CRPPA: variants seen among roughly 807,000 people sequenced by gnomAD.
The protein encoded by CRPPA is D-ribitol-5-phosphate cytidylyltransferase.
CRPPA carries 43 observed loss-of-function variants against 52.0 expected under a neutral mutation model. The ratio of observed to expected loss-of-function variants is 0.83; its 90% CI spans 0.65 to 1.07. The LOEUF (loss-of-function observed/expected upper bound fraction) is 1.07, where lower values mean the gene tolerates loss of function less well. Ranked by LOEUF, CRPPA falls within the 50% of genes least tolerant of loss-of-function variation. The probability of loss-of-function intolerance (pLI) is 0.00; values close to 1 mark genes in which losing one functional copy is unlikely to be tolerated. For missense variants in CRPPA, 629 were observed against 551.7 expected (o/e 1.14, Z -1.40); for synonymous variants, 250 against 203.5 (o/e 1.23, Z -1.94).
intron 9 of CRPPA, among the ~76,000 whole-genome samples, chr7:16,143,896 CA>C (rs1232766477): frequency 6.6e-6 from 1 of 151,862 alleles, no homozygotes; most frequent in Non-Finnish European, 1.5e-5. Context: ...TGGGTAATGT[CA>C]AAAAAACGGA....
intron 4 of CRPPA, among the ~76,000 whole-genome samples, chr7:16,305,814 G>A (rs976132): frequency 0.037 from 5,699 of 152,206 alleles, 271 homozygotes; most frequent in Admixed American, 0.14. Context: ...CCAGGGAGTC[G>A]GAGGTTGCAG....
chr7:16,216,209 A>G lies in CRPPA; in HGVS notation c.1120-12T>C, dbSNP rs1331188356. 3 of 1,527,148 alleles carry G rather than the reference A, an allele frequency of 2.0e-6. No homozygotes were observed. The highest frequency in any genetic ancestry group is 1.2e-5 in the South Asian group (1 of 83,180). 94.6% of individuals were successfully genotyped at this position (1,527,148 alleles called of 1,614,324 possible). On this transcript the variant is annotated splice_polypyrimidine_tract_variant and intron_variant, in intron 8 of 9. Coordinates refer to ENST00000407010, the MANE Select transcript of CRPPA (RefSeq NM_001101426.4). Reference sequence around the variant, plus strand: ...TCAAGAAAATGAACCTGCAAAATATAAAAGACAGTATTTAGAATATCATTC... The same window carrying G: ...TCAAGAAAATGAACCTGCAAAATATGAAAGACAGTATTTAGAATATCATTC...
intron 2 of CRPPA, among the ~76,000 whole-genome samples, chr7:16,391,413 G>A (rs1193772864): frequency 6.6e-6 from 1 of 152,090 alleles, no homozygotes; most frequent in East Asian, 1.9e-4. Flanking sequence ...GATTAGTCCA[G>A]TAGCCTCCCA....
At chr7:16,140,107 A>C (rs6461225) in intron 9 of CRPPA, among the ~76,000 whole-genome samples, 123,819 of 152,090 alleles carry the variant, frequency 0.81, 51,218 homozygotes, top group Admixed American at 0.89. Flanking sequence ...ATGTAAGTAC[A>C]ATATTTATGT....
intron 8 of CRPPA, among the ~76,000 whole-genome samples, chr7:16,231,287 C>T (rs1366613056): frequency 6.6e-6 from 1 of 152,238 alleles, no homozygotes; most frequent in Non-Finnish European, 1.5e-5. Context: ...CACTTGGTTT[C>T]TTTAGCCCTT....
At chr7:16,192,693 T>G (rs1781639827) in intron 9 of CRPPA, among the ~76,000 whole-genome samples, 1 of 152,164 alleles carries the variant, frequency 6.6e-6, no homozygotes, top group South Asian at 2.1e-4. Context: ...GTCTGTAGAT[T>G]TGTTTAACCT....
chr7:16,099,219 C>G (rs1781991021), intron 9 of CRPPA, among the ~76,000 whole-genome samples: 1 of 148,712 alleles, frequency 6.7e-6, no homozygotes, highest in Non-Finnish European at 1.5e-5. Flanking sequence ...TGCCACTGCA[C>G]TGCAGCCTAG....
intron 8 of CRPPA, among the ~76,000 whole-genome samples, chr7:16,216,928 T>C (rs1384381873): frequency 6.6e-6 from 1 of 151,902 alleles, no homozygotes; most frequent in Non-Finnish European, 1.5e-5. Flanking sequence ...TCCAACTGGG[T>C]GGAGCCCACC....
chr7:16,396,044 C>T (rs750060651), intron 2 of CRPPA, among the ~76,000 whole-genome samples: 4 of 152,268 alleles, frequency 2.6e-5, no homozygotes, highest in African/African-American at 9.6e-5. Flanking sequence ...GGTTTCCTTA[C>T]GAACCAGAAC....
chr7:16,241,470 A>C (rs997557601), intron 8 of CRPPA, among the ~76,000 whole-genome samples: 5 of 152,154 alleles, frequency 3.3e-5, no homozygotes, highest in Admixed American at 3.3e-4. Context: ...TATCTAGATA[A>C]TTACAGTAAA....
intron 9 of CRPPA, among the ~76,000 whole-genome samples, chr7:16,157,914 G>A (rs889141862): frequency 3.3e-5 from 5 of 150,072 alleles, no homozygotes; most frequent in East Asian, 2.0e-4. Context: ...TCACTCTGTC[G>A]CCCAGGCTGG....
intron 3 of CRPPA, among the ~76,000 whole-genome samples, chr7:16,339,297 A>T (rs1785764073): frequency 1.3e-5 from 2 of 152,142 alleles, no homozygotes; most frequent in Admixed American, 1.3e-4. Flanking sequence ...AAAAATCCTC[A>T]ACAGAATAGT....
intron 2 of CRPPA, among the ~76,000 whole-genome samples, chr7:16,389,928 A>AAAAAAATATAT: frequency 1.3e-4 from 4 of 29,758 alleles, no homozygotes; most frequent in African/African-American, 6.9e-4. Flanking sequence ...AAAAAAAAAA[A>AAAAAAATATAT]ATATATATAT....
intron 8 of CRPPA, among the ~76,000 whole-genome samples, chr7:16,250,908 C>T (rs1252207614): frequency 6.6e-6 from 1 of 151,980 alleles, no homozygotes; most frequent in Non-Finnish European, 1.5e-5. Flanking sequence ...AATAAATGTC[C>T]AATTTAAAAG....
intron 6 of CRPPA, among the ~76,000 whole-genome samples, chr7:16,266,468 C>T (rs1000233560): frequency 1.4e-5 from 2 of 144,894 alleles, no homozygotes; most frequent in African/African-American, 2.6e-5. Flanking sequence ...TTAAGGCTCC[C>T]GTTTTTTGTT....
At chr7:16,151,927 G>A (rs1238110355) in intron 9 of CRPPA, among the ~76,000 whole-genome samples, 1 of 151,812 alleles carries the variant, frequency 6.6e-6, no homozygotes, top group Non-Finnish European at 1.5e-5. Flanking sequence ...TGAAAACATA[G>A]TGAGCAAATA....
At chr7:16,260,772 A>G (rs1783773612) in intron 6 of CRPPA, among the ~76,000 whole-genome samples, 2 of 152,120 alleles carry the variant, frequency 1.3e-5, no homozygotes, top group African/African-American at 4.8e-5. Flanking sequence ...GTAGAGAATG[A>G]AAACATGAGA....
rs888391550 is a variant in CRPPA, at chr7:16,090,048, C to G, written c.*1647G>C. ...GCTGTGGTTTTCGTCACACACACAG[C>G]CGACATCTGAACAAAGGCACAGACA... is the stretch of plus-strand genomic sequence containing the variant. On this transcript the variant is annotated 3_prime_UTR_variant, in exon 10 of 10. Transcript: ENST00000407010. The G allele has an allele frequency of 6.5e-6, 1 of 152,748 alleles. No homozygotes were observed. Among genetic ancestry groups the G allele is most frequent in the African/African-American group, 2.4e-5 (1 of 41,430 alleles). The allele number at this position is 152,748 out of a possible 1,614,324, so 9.5% of individuals were successfully genotyped here.
chr7:16,128,117 C>T (rs1011969609), intron 9 of CRPPA, among the ~76,000 whole-genome samples: 4 of 152,004 alleles, frequency 2.6e-5, no homozygotes, highest in African/African-American at 9.7e-5. Context: ...ACACACTGGG[C>T]CCTGCTGGAG....
Sources: allele counts gnomAD v4.1 joint callset (sites outside exome capture counted in the v4.1 genomes callset), GRCh38; gene constraint gnomAD v4.1.1; transcripts MANE v1.5; gene names NCBI Gene and HGNC (gene_info 2026-07-23, HGNC 2026-07-21).